Variants in MEF2C observed in about 807,000 individuals in gnomAD.
MEF2C encodes the protein myocyte-specific enhancer factor 2C.
Under a neutral mutation model 50.5 loss-of-function variants are expected in MEF2C, and 6 were observed. That is an observed-to-expected ratio of 0.12 (90% CI 0.07 to 0.23). MEF2C has a LOEUF of 0.23. Ranked by LOEUF, MEF2C falls within the 10% of genes least tolerant of loss-of-function variation. The pLI, the probability that MEF2C is intolerant of heterozygous loss-of-function variation, is 1.00. For synonymous variants in MEF2C, 183 were observed against 228.0 expected (o/e 0.80, Z 1.78); for missense variants, 276 against 605.0 (o/e 0.46, Z 5.70).
At chr5:88,815,111 T>C (rs972134615) in intron 2 of MEF2C, among the ~76,000 whole-genome samples, 9 of 152,108 alleles carry the variant, frequency 5.9e-5, no homozygotes, top group Non-Finnish European at 1.0e-4. Flanking sequence ...AGAGATATAA[T>C]TTGAATCTGA....
chr5:88,834,554 A>T (rs947225104), intron 1 of MEF2C, among the ~76,000 whole-genome samples: 15 of 152,148 alleles, frequency 9.9e-5, no homozygotes, highest in African/African-American at 3.6e-4. Context: ...TGATGATTTT[A>T]AATACAGAAG....
intron 6 of MEF2C, chr5:88,740,155 G>T (rs1483058199): frequency 1.0e-6 from 1 of 984,890 alleles, no homozygotes; most frequent in South Asian, 4.7e-5. Context: ...CCTGATGCTG[G>T]ACCAGAGCTT....
At chr5:88,794,122 T>C (rs1363613892) in intron 3 of MEF2C, among the ~76,000 whole-genome samples, 1 of 152,248 alleles carries the variant, frequency 6.6e-6, no homozygotes, top group Non-Finnish European at 1.5e-5. Context: ...CATGTGTCTT[T>C]ATAGCATCAT....
At chr5:88,794,525 T>C (rs1046539561) in intron 3 of MEF2C, among the ~76,000 whole-genome samples, 3 of 152,228 alleles carry the variant, frequency 2.0e-5, no homozygotes, top group African/African-American at 7.2e-5. Flanking sequence ...AAGCTCCTTA[T>C]AGATTCTGGA....
rs187635942 is a variant in MEF2C, at chr5:88,780,627, G to A, written c.259-19299C>T. 1.4e-4 allele frequency: 57 copies of A among 398,262 alleles called. No homozygotes were observed. In the East Asian group the frequency reaches 8.7e-3, roughly 61 times the overall value. The allele number at this position is 398,262 out of a possible 1,614,324, so 24.7% of individuals were successfully genotyped here. The stretch of plus-strand genomic sequence containing the variant: ...GCCATGAAAATACTGCGGGAGCCAG[G>A]GCAAAGATACTTAAGTTTCACCCTA... On this transcript the variant is annotated intron_variant, in intron 3 of 10. Coordinates refer to ENST00000504921, the MANE Select transcript of MEF2C (RefSeq NM_002397.5).
intron 2 of MEF2C, among the ~76,000 whole-genome samples, chr5:88,805,861 T>G (rs1435242945): frequency 1.8e-5 from 2 of 110,154 alleles, no homozygotes; most frequent in Non-Finnish European, 3.6e-5. Flanking sequence ...GGAGACGGAG[T>G]CTCTTATAAA....
At chr5:88,831,606 ATTTATT>A (rs1222112359) in intron 1 of MEF2C, among the ~76,000 whole-genome samples, 2 of 152,042 alleles carry the variant, frequency 1.3e-5, no homozygotes, top group Non-Finnish European at 2.9e-5. Flanking sequence ...GTGGAATGTC[ATTTATT>A]TTTATCTCTA....
At chr5:88,879,382 TTA>T (rs3047819) in intron 1 of MEF2C, among the ~76,000 whole-genome samples, 79,206 of 148,460 alleles carry the variant, frequency 0.53, 21,679 homozygotes, top group African/African-American at 0.64. Context: ...AATATATATA[TTA>T]TATATATATA....
At chr5:88,824,971 A>G (rs1562240720) in intron 1 of MEF2C, 3 of 151,986 alleles carry the variant, frequency 2.0e-5, no homozygotes, top group Non-Finnish European at 1.5e-5. Flanking sequence ...AGCATTCCAC[A>G]ATGGGTTTTT....
chr5:88,838,708 C>G, intron 1 of MEF2C: 1 of 985,176 alleles, frequency 1.0e-6, no homozygotes, highest in African/African-American at 1.7e-5. Context: ...TTATCCTTAC[C>G]CTCCTCCCCT....
At chr5:88,829,600 C>T (rs1283005332) in intron 1 of MEF2C, among the ~76,000 whole-genome samples, 1 of 152,056 alleles carries the variant, frequency 6.6e-6, no homozygotes, top group Non-Finnish European at 1.5e-5. Flanking sequence ...CTGACTACTA[C>T]TAAAAATATT....
chr5:88,879,360 T>A (rs1361267613), intron 1 of MEF2C, among the ~76,000 whole-genome samples: 2 of 139,204 alleles, frequency 1.4e-5, no homozygotes, highest in Non-Finnish European at 3.1e-5. Flanking sequence ...GATCTTTATA[T>A]AACATTCATG....
At chr5:88,846,179 T>C (rs916669808) in intron 1 of MEF2C, among the ~76,000 whole-genome samples, 6 of 151,928 alleles carry the variant, frequency 3.9e-5, no homozygotes, top group Admixed American at 3.3e-4. Context: ...GCGATTCTCC[T>C]TGCCTTAGCC....
intron 2 of MEF2C, among the ~76,000 whole-genome samples, chr5:88,820,540 G>A (rs1807798882): frequency 6.6e-6 from 1 of 151,976 alleles, no homozygotes; most frequent in Non-Finnish European, 1.5e-5. Context: ...CTTGAAGTCA[G>A]TATTTCTTTT....
At chr5:88,748,970 A>C in intron 6 of MEF2C, 100 bp downstream of exon 6, 1 of 1,542,310 alleles carries the variant, frequency 6.5e-7, no homozygotes, top group Non-Finnish European at 8.8e-7. Context: ...CCTCTCACAG[A>C]TCTCTTAACT....
chr5:88,726,382 C>T (rs1561664048), intron 10 of MEF2C, among the ~76,000 whole-genome samples: 2 of 152,110 alleles, frequency 1.3e-5, no homozygotes. Flanking sequence ...AATTACTTTA[C>T]ATAAGTATTG....
intron 3 of MEF2C, among the ~76,000 whole-genome samples, chr5:88,777,899 C>CTTTTTTTT (rs57841792): frequency 1.7e-4 from 13 of 77,320 alleles, no homozygotes; most frequent in African/African-American, 2.6e-4. Flanking sequence ...TTTTTCTTTT[C>CTTTTTTTT]TTTTTTTTTT....
At chr5:88,788,021 T>C (rs1398911674) in intron 3 of MEF2C, among the ~76,000 whole-genome samples, 1 of 152,164 alleles carries the variant, frequency 6.6e-6, no homozygotes, top group African/African-American at 2.4e-5. Context: ...CCTGGTTGGA[T>C]TTCTCTGCCC....
intron 1 of MEF2C, among the ~76,000 whole-genome samples, chr5:88,849,091 C>T (rs1408532594): frequency 7.1e-6 from 1 of 141,324 alleles, no homozygotes; most frequent in Non-Finnish European, 1.5e-5. Context: ...GCAGAGGTTG[C>T]AGTGAGCCGA....
Sources: allele counts gnomAD v4.1 joint callset (sites outside exome capture counted in the v4.1 genomes callset), GRCh38; gene constraint gnomAD v4.1.1; transcripts MANE v1.5; gene names NCBI Gene and HGNC (gene_info 2026-07-23, HGNC 2026-07-21).